Variants in LARP6 observed in about 807,000 individuals in gnomAD.
LARP6 encodes la-related protein 6.
LARP6 carries 18 observed loss-of-function variants against 32.8 expected under a neutral mutation model. The ratio of observed to expected loss-of-function variants is 0.55; its 90% CI spans 0.38 to 0.81. LARP6 has a LOEUF of 0.81. Among genes scored for constraint, LARP6 ranks in the 40% least tolerant of loss-of-function variants. LARP6 has a pLI of 0.00. For missense variants in LARP6, 598 were observed against 663.1 expected (o/e 0.90, Z 1.08); for synonymous variants, 289 against 267.2 (o/e 1.08, Z -0.80).
chr15:70,840,494 C>T (rs1415064055), intron 1 of LARP6, among the ~76,000 whole-genome samples: 1 of 152,094 alleles, frequency 6.6e-6, no homozygotes, highest in Admixed American at 6.6e-5. Context: ...GAGCCGGGAT[C>T]GCGCCACTGC....
intron 1 of LARP6, among the ~76,000 whole-genome samples, chr15:70,841,363 T>C (rs1211439514): frequency 6.6e-6 from 1 of 152,178 alleles, no homozygotes; most frequent in East Asian, 1.9e-4. Context: ...TCTCTAGACC[T>C]CCGTTGGGCA....
intron 2 of LARP6, among the ~76,000 whole-genome samples, chr15:70,835,215 A>C (rs763297237): frequency 2.6e-5 from 4 of 152,138 alleles, no homozygotes; most frequent in Non-Finnish European, 4.4e-5. Flanking sequence ...TTTCAATGTC[A>C]CCTTCTCTGG....
chr15:70,842,117 C>A (rs2141054093), intron 1 of LARP6, among the ~76,000 whole-genome samples: 2 of 152,248 alleles, frequency 1.3e-5, no homozygotes, highest in South Asian at 4.2e-4. Flanking sequence ...ATGAACACAG[C>A]TCACTGCAGC....
At chr15:70,837,136 A>G (rs555519417) in intron 1 of LARP6, among the ~76,000 whole-genome samples, 48 of 152,238 alleles carry the variant, frequency 3.2e-4, no homozygotes, top group African/African-American at 1.1e-3. Context: ...GCACTTTGGG[A>G]GGCTGAGGTA....
chr15:70,843,649 C>CTTTTTTT (rs67996815), intron 1 of LARP6, among the ~76,000 whole-genome samples: 11 of 80,614 alleles, frequency 1.4e-4, no homozygotes, highest in Admixed American at 1.9e-4. Context: ...GTTTTGGTGT[C>CTTTTTTT]TTTTTTTTTT....
At position 70,832,864 on chromosome 15, in the gene LARP6, C is replaced by T. The variant is rs772667024; in HGVS notation, c.664G>A (p.Gly222Arg). The T allele has an allele frequency of 8.1e-6, 13 of 1,611,412 alleles. No individual in the cohort carries two copies. Among genetic ancestry groups the T allele is most frequent in the Admixed American group, 3.4e-5 (2 of 59,448 alleles). ...KVMEHLLKLF[G>R]TFGVISSVRI... Reference sequence around the variant, plus strand: ...ACTGATGAGATGACTCCAAAAGTCCCAAAAAGCTTGAGCAGGTGTTCCATC... The same window carrying T: ...ACTGATGAGATGACTCCAAAAGTCCTAAAAAGCTTGAGCAGGTGTTCCATC... Residue 222 changes from glycine to arginine, a missense_variant, in exon 3 of 3, where the codon GGG becomes AGG. By Grantham distance (125) the Gly-to-Arg change is moderately radical (BLOSUM62 -2). Transcript: ENST00000299213.
In LARP6 at chr15:70,853,012, A is replaced by C. The variant is rs1156809394; in HGVS notation, c.200+877T>G. Among the ~76,000 whole-genome samples the C allele has an allele frequency of 5.9e-5, 9 of 152,210 alleles. No homozygotes were observed. The East Asian group carries it at 1.7e-3, about 29-fold the overall frequency. ...TAATAAGTGCCTGTTGGCATCCACCAGAATGTGCAAGTTCTGTCATTTCCC... is the reference window on the plus strand; with the variant it reads ...TAATAAGTGCCTGTTGGCATCCACCCGAATGTGCAAGTTCTGTCATTTCCC... On this transcript the variant is annotated intron_variant, in intron 1 of 2. Coordinates refer to ENST00000299213, the MANE Select transcript of LARP6 (RefSeq NM_018357.4).
intron 1 of LARP6, among the ~76,000 whole-genome samples, chr15:70,841,545 G>A (rs1269546977): frequency 6.6e-6 from 1 of 152,148 alleles, no homozygotes; most frequent in Non-Finnish European, 1.5e-5. Context: ...AGTGTTGGAG[G>A]TGGGGCCTGG....
intron 1 of LARP6, chr15:70,853,121 ACAGGAGC>A (rs1031542518): frequency 6.6e-6 from 1 of 152,236 alleles, no homozygotes; most frequent in African/African-American, 2.4e-5. Context: ...GCATTAGTGG[ACAGGAGC>A]CAAGGTGCCT....
chr15:70,850,614 A>T (rs1483118172), intron 1 of LARP6, among the ~76,000 whole-genome samples: 1 of 152,244 alleles, frequency 6.6e-6, no homozygotes, highest in Non-Finnish European at 1.5e-5. Flanking sequence ...TTAACTGCAA[A>T]GGGAAAGACA....
chr15:70,831,589 G>A lies in LARP6; in HGVS notation c.*463C>T, dbSNP rs1385775116. On this transcript the variant is annotated 3_prime_UTR_variant, in exon 3 of 3. Coordinates refer to ENST00000299213, the MANE Select transcript of LARP6 (RefSeq NM_018357.4). ...ATTTATTTACTTGACAGGTAACATC[G>A]ATTTGGTCCTACAAGACACCATGCT... 4.6e-5 allele frequency: 7 copies of A among 152,376 alleles called. No individual in the cohort carries two copies. The highest frequency in any genetic ancestry group is 7.3e-5 in the Non-Finnish European group (5 of 68,228). 9.4% of individuals were successfully genotyped at this position (152,376 alleles called of 1,614,324 possible).
At chr15:70,851,628 A>G (rs773045498) in intron 1 of LARP6, 71 of 1,611,906 alleles carry the variant, frequency 4.4e-5, no homozygotes, top group Non-Finnish European at 5.7e-5. Context: ...CATTCAGTCA[A>G]CAAACATGTC....
chr15:70,854,125 C>T lies in LARP6; in HGVS notation c.-37G>A, dbSNP rs937232796. 11 of 1,220,250 alleles carry T rather than the reference C, an allele frequency of 9.0e-6. No homozygotes were observed. In the African/African-American group the frequency reaches 1.4e-4, roughly 16 times the overall value. 75.6% of individuals were successfully genotyped at this position (1,220,250 alleles called of 1,614,324 possible). Reference sequence around the variant, plus strand: ...CTGCGGCGCCGCCGGGGTCCTCACGCCGCAAGGCCCAGCCAGCCGGTCGGC... The same window carrying T: ...CTGCGGCGCCGCCGGGGTCCTCACGTCGCAAGGCCCAGCCAGCCGGTCGGC... On this transcript the variant is annotated 5_prime_UTR_variant, in exon 1 of 3. Coordinates refer to ENST00000299213, the MANE Select transcript of LARP6 (RefSeq NM_018357.4).
intron 1 of LARP6, chr15:70,851,437 T>C: frequency 7.9e-7 from 1 of 1,266,658 alleles, no homozygotes; most frequent in Non-Finnish European, 1.0e-6. Flanking sequence ...TTTTAGAGGC[T>C]GTAAAGACTT....
intron 1 of LARP6, among the ~76,000 whole-genome samples, chr15:70,839,305 T>A (rs2032208188): frequency 6.6e-6 from 1 of 151,952 alleles, no homozygotes; most frequent in Non-Finnish European, 1.5e-5. Flanking sequence ...CCGGGTGTGG[T>A]GGCACATGCC....
At chr15:70,839,277 A>G (rs528824203) in intron 1 of LARP6, among the ~76,000 whole-genome samples, 11 of 152,122 alleles carry the variant, frequency 7.2e-5, no homozygotes, top group Admixed American at 5.2e-4. Flanking sequence ...CATCTCTACT[A>G]AAAATACAAA....
At chr15:70,833,214 A>T in intron 2 of LARP6, 98 bp from the exon 3 acceptor site, 1 of 931,600 alleles carries the variant, frequency 1.1e-6, no homozygotes, top group Non-Finnish European at 1.7e-6. Flanking sequence ...TCCCTGTAAC[A>T]CTAGAATCCC....
chr15:70,836,498 T>G lies in LARP6; in HGVS notation c.208A>C (p.Thr70Pro), dbSNP rs1387220734. ...EEPSRGHSGT[T>P]ASGGENERED... ...CGCTCGTTCTCACCTCCACTTGCAG[T>G]GGTGCCACTGAGACCAGAAGGAGAC... is the stretch of plus-strand genomic sequence containing the variant. Residue 70 changes from threonine to proline, a missense_variant, in exon 2 of 3, where the codon ACT becomes CCT. This residue lies in a region of LARP6 where 161 missense variants were observed against 148.6 expected (regional missense o/e 1.08). Transcript: ENST00000299213. 7 of 1,613,978 alleles carry G rather than the reference T, an allele frequency of 4.3e-6. No individual in the cohort carries two copies. Among genetic ancestry groups the G allele is most frequent in the Non-Finnish European group, 5.9e-6 (7 of 1,179,932 alleles).
intron 1 of LARP6, among the ~76,000 whole-genome samples, chr15:70,844,132 T>C (rs1024882748): frequency 6.7e-6 from 1 of 148,852 alleles, no homozygotes; most frequent in Non-Finnish European, 1.5e-5. Context: ...AATTTTTGTA[T>C]TTTTAGTAGA....
Sources: gnomAD v4.1 joint callset for allele counts (sites outside exome capture counted in the v4.1 genomes callset) on GRCh38, gnomAD v4.1.1 for gene constraint, gnomAD v4.1.1 regional missense constraint, MANE v1.5 for transcripts, NCBI Gene and HGNC (gene_info 2026-07-23, HGNC 2026-07-21) for gene names.